Variants in CAPZA1 observed in about 807,000 individuals in gnomAD.
CAPZA1 encodes the protein F-actin-capping protein subunit alpha-1.
In CAPZA1, 10 loss-of-function variants were observed where a neutral mutation model predicts 40.8. The ratio of observed to expected loss-of-function variants is 0.25; its 90% CI spans 0.15 to 0.42. The LOEUF (loss-of-function observed/expected upper bound fraction) is 0.42, where lower values mean the gene tolerates loss of function less well. Among genes scored for constraint, CAPZA1 ranks in the 10% least tolerant of loss-of-function variants. CAPZA1 has a pLI of 1.00. For missense variants in CAPZA1, 277 were observed against 353.8 expected, an observed-to-expected ratio of 0.78 and a Z score of 1.74; for synonymous variants, 98 against 115.0, an observed-to-expected ratio of 0.85 and a Z score of 0.95.
At chr1:112,669,885 A>G (rs111929717) in intron 9 of CAPZA1, 107 bp from the exon 10 acceptor site, 20 of 1,215,008 alleles carry the variant, frequency 1.6e-5, no homozygotes, top group South Asian at 1.1e-4. Flanking sequence ...TATCCTGTCT[A>G]TCCTTCACAG....
At chr1:112,636,979 C>T (rs1382391241) in intron 1 of CAPZA1, among the ~76,000 whole-genome samples, 1 of 152,216 alleles carries the variant, frequency 6.6e-6, no homozygotes, top group Non-Finnish European at 1.5e-5. Context: ...CTGCATCTTT[C>T]ACAAGCATAG....
At chr1:112,657,748 C>T (rs957371889) in intron 5 of CAPZA1, among the ~76,000 whole-genome samples, 1 of 152,232 alleles carries the variant, frequency 6.6e-6, no homozygotes, top group South Asian at 2.1e-4. Context: ...CCCACCACCA[C>T]ACCTGGCTAA....
At chr1:112,656,440 A>T (rs78989699) in intron 5 of CAPZA1, among the ~76,000 whole-genome samples, 64 of 45,744 alleles carry the variant, frequency 1.4e-3, no homozygotes, top group South Asian at 1.7e-3. Flanking sequence ...ATTATGTTTG[A>T]TTTTTTTTTT....
At chr1:112,638,195 G>C (rs1292040547) in intron 1 of CAPZA1, among the ~76,000 whole-genome samples, 1 of 152,180 alleles carries the variant, frequency 6.6e-6, no homozygotes, top group Non-Finnish European at 1.5e-5. Flanking sequence ...AATAATCCAA[G>C]AGAGCATTTC....
In CAPZA1 at chr1:112,658,987, T is replaced by G. The variant is rs763455143; in HGVS notation, c.427-35T>G. ...GCATGTTGTTTAAATTAAAAGTGTT[T>G]GGAGTCTTTAACTATTTTTTTTTCC... On this transcript the variant is annotated intron_variant, in intron 5 of 9. Coordinates refer to ENST00000263168, the MANE Select transcript of CAPZA1 (RefSeq NM_006135.3). The G allele has an allele frequency of 8.4e-6, 12 of 1,434,152 alleles. No homozygotes were observed. In the East Asian group the frequency reaches 2.7e-4, roughly 33 times the overall value. The allele number at this position is 1,434,152 out of a possible 1,614,324, so 88.8% of individuals were successfully genotyped here. A position where few individuals can be genotyped will look rare whatever the true frequency, so the allele number is the denominator to read the frequency against.
chr1:112,643,968 T>C lies in CAPZA1; in HGVS notation c.40-3242T>C, dbSNP rs377194181. On this transcript the variant is annotated intron_variant, in intron 1 of 9. Transcript: ENST00000263168. ...CAAGAGATTCTCCTGCCTCAGCCTC[T>C]CAAGTAGCTGGGATTACAGGTGTGT... 3.6e-3 allele frequency among the ~76,000 whole-genome samples: 539 copies of C among 150,528 alleles called. 6 individuals are homozygous for C. The highest frequency in any genetic ancestry group is 0.013 in the African/African-American group (512 of 40,404).
At chr1:112,669,501 T>TAA (rs769911057) in intron 8 of CAPZA1, 42 bp from the exon 9 acceptor site, 4 of 1,345,992 alleles carry the variant, frequency 3.0e-6, no homozygotes, top group Non-Finnish European at 4.2e-6. Flanking sequence ...GCTTACACAT[T>TAA]AAAAAAAAAT....
At chr1:112,621,074 T>G (rs1300574607) in intron 1 of CAPZA1, among the ~76,000 whole-genome samples, 1 of 152,220 alleles carries the variant, frequency 6.6e-6, no homozygotes, top group Non-Finnish European at 1.5e-5. Context: ...TATGTAGATA[T>G]GGCATGCCAT....
chr1:112,658,005 G>T (rs1264786976), intron 5 of CAPZA1, among the ~76,000 whole-genome samples: 2 of 152,036 alleles, frequency 1.3e-5, no homozygotes, highest in Non-Finnish European at 2.9e-5. Context: ...ACAGACTTCG[G>T]TGTCACAAAA....
intron 1 of CAPZA1, among the ~76,000 whole-genome samples, chr1:112,641,447 C>T (rs1316339759): frequency 6.6e-6 from 1 of 152,068 alleles, no homozygotes; most frequent in Non-Finnish European, 1.5e-5. Flanking sequence ...CCTTTTCATT[C>T]AACAGCACAT....
chr1:112,635,574 CG>C (rs1417307391), intron 1 of CAPZA1, among the ~76,000 whole-genome samples: 20 of 139,424 alleles, frequency 1.4e-4, no homozygotes, highest in East Asian at 6.1e-4. Flanking sequence ...TTTTTTGAGA[CG>C]AGTAGCTGGG....
At chr1:112,660,674 T>C (rs1055395296) in intron 7 of CAPZA1, among the ~76,000 whole-genome samples, 5 of 152,192 alleles carry the variant, frequency 3.3e-5, no homozygotes, top group African/African-American at 2.4e-5. Context: ...TGAAGTTTAA[T>C]ATCCTAGCAG....
At chr1:112,659,623 C>T in intron 6 of CAPZA1, 78 bp from the exon 7 acceptor site, 1 of 1,086,998 alleles carries the variant, frequency 9.2e-7, no homozygotes, top group Non-Finnish European at 1.4e-6. Context: ...TCTTTCCCAA[C>T]TTCTGTACCT....
At chr1:112,620,060 T>C (rs1670567467) in intron 1 of CAPZA1, 177 bp downstream of exon 1, 1 of 563,708 alleles carries the variant, frequency 1.8e-6, no homozygotes, top group South Asian at 2.2e-5. Flanking sequence ...TGCCTCACGG[T>C]GGCCCCAGTT....
intron 7 of CAPZA1, among the ~76,000 whole-genome samples, chr1:112,660,480 A>G (rs1171329073): frequency 2.6e-5 from 4 of 151,950 alleles, no homozygotes; most frequent in Non-Finnish European, 4.4e-5. Context: ...GGGTTTCTCC[A>G]TGTTGGTTAG....
intron 7 of CAPZA1, among the ~76,000 whole-genome samples, chr1:112,664,858 C>T (rs1479622591): frequency 6.6e-6 from 1 of 152,036 alleles, no homozygotes; most frequent in Admixed American, 6.6e-5. Flanking sequence ...TCACTTAAAG[C>T]GGGGAATCGG....
chr1:112,657,643 G>A (rs1028001789), intron 5 of CAPZA1, among the ~76,000 whole-genome samples: 10 of 151,610 alleles, frequency 6.6e-5, no homozygotes, highest in Admixed American at 3.3e-4. Context: ...CCAGGCTGGC[G>A]TACAGTGGCA....
At chr1:112,623,638 G>A (rs909716696) in intron 1 of CAPZA1, among the ~76,000 whole-genome samples, 5 of 149,396 alleles carry the variant, frequency 3.3e-5, no homozygotes, top group Non-Finnish European at 7.4e-5. Context: ...CCGAGATCAC[G>A]CCATTGCACT....
intron 7 of CAPZA1, among the ~76,000 whole-genome samples, chr1:112,663,566 A>G (rs567319727): frequency 2.6e-5 from 4 of 151,828 alleles, no homozygotes; most frequent in Admixed American, 2.6e-4. Context: ...CAGTGGTGCA[A>G]TCTCAGTTCA....
Sources: allele counts gnomAD v4.1 joint callset (sites outside exome capture counted in the v4.1 genomes callset), GRCh38; gene constraint gnomAD v4.1.1; transcripts MANE v1.5; gene names NCBI Gene and HGNC (gene_info 2026-07-23, HGNC 2026-07-21).